SCHIP1: variants seen among roughly 807,000 people sequenced by gnomAD.
SCHIP1 encodes schwannomin-interacting protein 1.
Under a neutral mutation model 29.7 loss-of-function variants are expected in SCHIP1, and 8 were observed. That is an observed-to-expected ratio of 0.27 (90% CI 0.16 to 0.49). The LOEUF (loss-of-function observed/expected upper bound fraction) is 0.49. Among genes scored for constraint, SCHIP1 ranks in the 20% least tolerant of loss-of-function variants. The pLI is 0.99. For synonymous variants in SCHIP1, 76 were observed against 94.9 expected (o/e 0.80, Z 1.16); for missense variants, 193 against 294.6 (o/e 0.66, Z 2.52).
chr3:159,830,047 G>A, the SCHIP1 span, among the ~76,000 whole-genome samples: 1 of 152,148 alleles, frequency 6.6e-6, no homozygotes, highest in Admixed American at 6.5e-5. Context: ...TGAAGAATAC[G>A]CAGAGATTGC....
At chr3:159,561,913 T>C in the SCHIP1 span, among the ~76,000 whole-genome samples, 1 of 152,308 alleles carries the variant, frequency 6.6e-6, no homozygotes, top group Non-Finnish European at 1.5e-5. Flanking sequence ...GTTTTACCTT[T>C]CCCAGTAATT....
chr3:159,273,871 G>A, the SCHIP1 span: 1 of 1,613,512 alleles, frequency 6.2e-7, no homozygotes, highest in Middle Eastern at 1.7e-4. Flanking sequence ...ACCAGGGCAA[G>A]CACTCTGACA....
At chr3:159,845,295 C>G (rs577326873) in intron 1 of SCHIP1, 1 of 152,250 alleles carries the variant, frequency 6.6e-6, no homozygotes, top group Non-Finnish European at 1.5e-5. Context: ...TTCTCCTTCT[C>G]AGTACATTTT....
the SCHIP1 span, among the ~76,000 whole-genome samples, chr3:159,580,306 A>G: frequency 2.0e-5 from 3 of 152,162 alleles, no homozygotes; most frequent in South Asian, 2.1e-4. Flanking sequence ...TGTCATGGTT[A>G]TTAATTAAGC....
At chr3:159,301,980 C>T in the SCHIP1 span, among the ~76,000 whole-genome samples, 2 of 152,182 alleles carry the variant, frequency 1.3e-5, no homozygotes, top group Admixed American at 1.3e-4. Context: ...GATTCTTCTT[C>T]TCTTGCATAC....
the SCHIP1 span, among the ~76,000 whole-genome samples, chr3:159,508,118 C>T: frequency 6.6e-6 from 1 of 152,122 alleles, no homozygotes; most frequent in African/African-American, 2.4e-5. Flanking sequence ...GGTCGGTAAG[C>T]TATTAATTAT....
the SCHIP1 span, among the ~76,000 whole-genome samples, chr3:159,646,991 G>A: frequency 1.3e-5 from 2 of 151,974 alleles, no homozygotes; most frequent in Non-Finnish European, 2.9e-5. Context: ...ACAGGAGAGA[G>A]ATCTGGGCTA....
the SCHIP1 span, among the ~76,000 whole-genome samples, chr3:159,545,916 C>T: frequency 2.0e-5 from 3 of 151,472 alleles, no homozygotes; most frequent in Admixed American, 2.0e-4. Context: ...CATGTTCCTC[C>T]ACTTCAAGTC....
chr3:159,563,498 T>C, the SCHIP1 span, among the ~76,000 whole-genome samples: 54 of 152,212 alleles, frequency 3.5e-4, no homozygotes, highest in African/African-American at 1.3e-3. Context: ...ATACAGGTAA[T>C]ATATGCTACA....
the SCHIP1 span, among the ~76,000 whole-genome samples, chr3:159,513,708 T>C: frequency 1.3e-5 from 2 of 152,116 alleles, no homozygotes; most frequent in African/African-American, 4.8e-5. Context: ...CAAATAGCAC[T>C]CTCCAGACAA....
At chr3:159,841,039 A>G (rs1212440032) in intron 1 of SCHIP1, among the ~76,000 whole-genome samples, 1 of 152,194 alleles carries the variant, frequency 6.6e-6, no homozygotes, top group African/African-American at 2.4e-5. Flanking sequence ...CAAATCTTGG[A>G]GAGTTAATAT....
the SCHIP1 span, among the ~76,000 whole-genome samples, chr3:159,279,700 T>C: frequency 6.6e-6 from 1 of 152,016 alleles, no homozygotes; most frequent in East Asian, 1.9e-4. Context: ...TTGCAAACTA[T>C]AGAACTTGAC....
chr3:159,427,926 G>T, the SCHIP1 span, among the ~76,000 whole-genome samples: 1 of 150,864 alleles, frequency 6.6e-6, no homozygotes, highest in Admixed American at 6.6e-5. Flanking sequence ...ACAAACCTGA[G>T]AAAAACAAGC....
chr3:159,494,034 A>C, the SCHIP1 span, among the ~76,000 whole-genome samples: 1 of 152,224 alleles, frequency 6.6e-6, no homozygotes, highest in African/African-American at 2.4e-5. Flanking sequence ...GGCAGAAATA[A>C]AGATGTTCTT....
At chr3:159,456,975 G>C in the SCHIP1 span, among the ~76,000 whole-genome samples, 1 of 152,110 alleles carries the variant, frequency 6.6e-6, no homozygotes, top group Non-Finnish European at 1.5e-5. Flanking sequence ...ATCAAATTAA[G>C]TTTATCTAAT....
chr3:159,613,383 T>C, the SCHIP1 span, among the ~76,000 whole-genome samples: 1 of 152,202 alleles, frequency 6.6e-6, no homozygotes, highest in Admixed American at 6.5e-5. Context: ...TATGGCAATA[T>C]AAAAACAATC....
At chr3:159,454,997 C>G in the SCHIP1 span, among the ~76,000 whole-genome samples, 3,713 of 152,230 alleles carry the variant, frequency 0.024, 161 homozygotes, top group African/African-American at 0.085. Context: ...CATTTTGAAA[C>G]TGTAGAGCAA....
the SCHIP1 span, among the ~76,000 whole-genome samples, chr3:159,729,604 TA>T: frequency 6.6e-6 from 1 of 152,102 alleles, no homozygotes; most frequent in East Asian, 1.9e-4. Context: ...TCTAGAATAA[TA>T]AAATACATTA....
At chr3:159,519,696 T>C in the SCHIP1 span, among the ~76,000 whole-genome samples, 1 of 152,058 alleles carries the variant, frequency 6.6e-6, no homozygotes, top group Non-Finnish European at 1.5e-5. Flanking sequence ...AAGCATTGAA[T>C]GTTTCAGGTT....
Sources: gnomAD v4.1 joint callset for allele counts (sites outside exome capture counted in the v4.1 genomes callset) on GRCh38, gnomAD v4.1.1 for gene constraint, MANE v1.5 for transcripts, NCBI Gene and HGNC (gene_info 2026-07-23, HGNC 2026-07-21) for gene names.